The following MAGI1 variants were observed in gnomAD, a reference collection of about 807,000 sequenced individuals.
MAGI1 encodes the protein membrane-associated guanylate kinase, WW and PDZ domain-containing protein 1.
Under a neutral mutation model 139.9 loss-of-function variants are expected in MAGI1, and 58 were observed. That is an observed-to-expected ratio of 0.41 (90% CI 0.34 to 0.52). The LOEUF is 0.52. Among genes scored for constraint, MAGI1 ranks in the 20% least tolerant of loss-of-function variants. The probability of loss-of-function intolerance (pLI) is 0.12; values close to 1 mark genes in which losing one functional copy is unlikely to be tolerated. For synonymous variants in MAGI1, 812 were observed against 737.9 expected (o/e 1.10, Z -1.63); for missense variants, 1,874 against 1,901.6 (o/e 0.99, Z 0.27).
chr3:65,752,166 T>C (rs4431142), intron 1 of MAGI1, among the ~76,000 whole-genome samples: 151,892 of 152,284 alleles, frequency 1, 75,750 homozygotes, highest in East Asian at 1. Flanking sequence ...CCAGGCTGGT[T>C]GCAAACTCCT....
chr3:65,540,782 G>A (rs1423933474), intron 2 of MAGI1, among the ~76,000 whole-genome samples: 13 of 152,180 alleles, frequency 8.5e-5, no homozygotes, highest in Non-Finnish European at 1.6e-4. Flanking sequence ...TCACTGGTAA[G>A]TGCCTCTCTC....
rs1215600256 is a variant in MAGI1, at chr3:65,383,534, G to A, written c.2506C>T (p.Pro836Ser). The A allele has an allele frequency of 4.3e-6, 7 of 1,609,746 alleles. No homozygotes were observed. The South Asian group carries it at 7.7e-5, about 18-fold the overall frequency. ...RILGGNEPGE[P>S]IYIGHIVPLG... ...AGAGAGACAAGCAAAAGACTCACAG[G>A]TTCCCCTGGTTCATTTCCACCCAGA... Residue 836 changes from proline (P) to serine (S), a missense_variant and splice_region_variant, in exon 15 of 23, where the codon CCT becomes TCT. Transcript: ENST00000402939.
intron 18 of MAGI1, 142 bp downstream of exon 18, chr3:65,375,603 T>G (rs1942438773): frequency 8.6e-6 from 6 of 696,072 alleles, no homozygotes; most frequent in South Asian, 5.5e-5. Context: ...TATATTTAGT[T>G]AGGGATGAAT....
chr3:65,708,581 C>A (rs1400657497), intron 1 of MAGI1, among the ~76,000 whole-genome samples: 1 of 150,672 alleles, frequency 6.6e-6, no homozygotes, highest in African/African-American at 2.4e-5. Context: ...GTCAGGTGGG[C>A]AAATCGGTCA....
Position 65,848,579 on chromosome 3 carries a change from C to CT in MAGI1, c.313+189416dup, listed in dbSNP as rs5849700. Among the ~76,000 whole-genome samples the CT allele has an allele frequency of 7.9e-4, 117 of 147,358 alleles. No individual in the cohort carries two copies. The South Asian group carries it at 0.013, about 17-fold the overall frequency. ...TAAGTTACCCAACATAAGTTGTATT[C>CT]TTTTTTTTTTTTTTATTTTCTTTCT... On this transcript the variant is annotated intron_variant, in intron 1 of 22. Coordinates refer to ENST00000402939, the MANE Select transcript of MAGI1 (RefSeq NM_001033057.2).
intron 12 of MAGI1, among the ~76,000 whole-genome samples, chr3:65,407,224 A>T (rs749976365): frequency 6.6e-6 from 1 of 152,152 alleles, no homozygotes; most frequent in South Asian, 2.1e-4. Flanking sequence ...AGGCAAGTGG[A>T]TCACCTGAGG....
intron 1 of MAGI1, among the ~76,000 whole-genome samples, chr3:65,645,639 T>C: frequency 6.6e-6 from 1 of 152,108 alleles, no homozygotes. Context: ...GCAAATACAT[T>C]TCTCTTCTCC....
At chr3:66,013,258 C>T (rs751171462) in intron 1 of MAGI1, among the ~76,000 whole-genome samples, 13 of 151,764 alleles carry the variant, frequency 8.6e-5, no homozygotes, top group Non-Finnish European at 1.9e-4. Context: ...ACAAAATTAG[C>T]CAGGCATGGT....
intron 1 of MAGI1, chr3:65,894,032 G>A (rs1356587330): frequency 1.3e-5 from 2 of 152,222 alleles, no homozygotes; most frequent in Non-Finnish European, 2.9e-5. Flanking sequence ...GAACCAGGTA[G>A]AAGCTATACC....
At chr3:65,595,265 C>T (rs2082137820) in intron 2 of MAGI1, among the ~76,000 whole-genome samples, 1 of 152,200 alleles carries the variant, frequency 6.6e-6, no homozygotes, top group South Asian at 2.1e-4. Flanking sequence ...ACCATTAATT[C>T]ATGGGCATAG....
intron 10 of MAGI1, among the ~76,000 whole-genome samples, chr3:65,436,930 C>G (rs570153089): frequency 1.3e-5 from 2 of 152,120 alleles, no homozygotes; most frequent in African/African-American, 4.8e-5. Flanking sequence ...AACAAGTAGT[C>G]TTTATTTTTA....
At chr3:66,030,952 C>T (rs28483220) in intron 1 of MAGI1, among the ~76,000 whole-genome samples, 85,336 of 152,120 alleles carry the variant, frequency 0.56, 25,363 homozygotes, top group East Asian at 0.86. Flanking sequence ...AGACCCTCCA[C>T]AGGACACTTA....
chr3:65,844,097 T>C (rs1399170946), intron 1 of MAGI1: 3 of 503,806 alleles, frequency 6.0e-6, no homozygotes, highest in East Asian at 1.1e-4. Flanking sequence ...AGTTGGTAGG[T>C]GTGTCTGGGC....
chr3:65,808,062 T>G lies in MAGI1; in HGVS notation c.314-185974A>C, dbSNP rs1048343035. On this transcript the variant is annotated intron_variant, in intron 1 of 22. Coordinates refer to ENST00000402939, the MANE Select transcript of MAGI1 (RefSeq NM_001033057.2). ...CCAGGCTGGAGTGATCTTGGCTCAC[T>G]GCAACCTCTGCCTCCCAGATTCAAG... Among the ~76,000 whole-genome samples, 7 of 151,692 alleles carry G rather than the reference T, an allele frequency of 4.6e-5. No individual in the cohort carries two copies. The East Asian group carries it at 5.9e-4, about 13-fold the overall frequency.
At chr3:65,532,524 A>T (rs1245087291) in intron 2 of MAGI1, among the ~76,000 whole-genome samples, 1 of 152,248 alleles carries the variant, frequency 6.6e-6, no homozygotes, top group African/African-American at 2.4e-5. Context: ...AAGTATGTGT[A>T]ACTTTCAGGA....
At chr3:66,016,300 ACTG>A (rs1469316061) in intron 1 of MAGI1, among the ~76,000 whole-genome samples, 2 of 152,154 alleles carry the variant, frequency 1.3e-5, no homozygotes, top group African/African-American at 4.8e-5. Flanking sequence ...TGCTCTTATT[ACTG>A]CTACTTCACA....
intron 18 of MAGI1, among the ~76,000 whole-genome samples, chr3:65,365,736 A>C (rs187369442): frequency 2.0e-5 from 3 of 152,308 alleles, no homozygotes; most frequent in Admixed American, 1.3e-4. Flanking sequence ...TGCCCATTTA[A>C]TTCAGTGCAC....
rs1195093763 is a variant in MAGI1 at position 65,798,658 on chromosome 3, T to C, written c.314-176570A>G. ...CTTTGTGAACTGAAATTTCCTTTCA[T>C]GAAAAGAATTTCTAGAAATACTACA... On this transcript the variant is annotated intron_variant, in intron 1 of 22. Transcript: ENST00000402939. 2.0e-5 allele frequency among the ~76,000 whole-genome samples: 3 copies of C among 148,158 alleles called. No homozygotes were observed. The East Asian group carries it at 6.0e-4, about 30-fold the overall frequency.
chr3:65,870,339 A>G (rs1439570169), intron 1 of MAGI1, among the ~76,000 whole-genome samples: 1 of 152,008 alleles, frequency 6.6e-6, no homozygotes, highest in East Asian at 1.9e-4. Flanking sequence ...AGACTGTCCA[A>G]ATGATAGGGA....
Sources: gnomAD v4.1 joint callset for allele counts (sites outside exome capture counted in the v4.1 genomes callset) on GRCh38, gnomAD v4.1.1 for gene constraint, MANE v1.5 for transcripts, NCBI Gene and HGNC (gene_info 2026-07-23, HGNC 2026-07-21) for gene names.